CALD1: variants seen among roughly 807,000 people sequenced by gnomAD.
CALD1 encodes the protein caldesmon 1, also known as caldesmon.
A neutral mutation model predicts 99.9 loss-of-function variants in CALD1; 33 were observed. The ratio of observed to expected loss-of-function variants is 0.33; its 90% CI spans 0.25 to 0.44. The LOEUF is 0.44. Among genes scored for constraint, CALD1 ranks in the 20% least tolerant of loss-of-function variants. The pLI is 1.00. For synonymous variants in CALD1, 310 were observed against 325.0 expected (o/e 0.95, Z 0.50); for missense variants, 861 against 962.1 (o/e 0.89, Z 1.39).
chr7:134,895,388 C>T (rs1456860896), intron 3 of CALD1, among the ~76,000 whole-genome samples: 3 of 148,270 alleles, frequency 2.0e-5, no homozygotes, highest in Non-Finnish European at 3.0e-5. Context: ...GCAGATATTA[C>T]AACACATTTA....
At chr7:134,942,394 A>AAATTTTT (rs1806521015) in intron 7 of CALD1, among the ~76,000 whole-genome samples, 1 of 152,272 alleles carries the variant, frequency 6.6e-6, no homozygotes, top group East Asian at 1.9e-4. Context: ...ATTTTTTTGT[A>AAATTTTT]CGTAAATTTA....
At chr7:134,913,698 T>A (rs1306681859) in intron 3 of CALD1, among the ~76,000 whole-genome samples, 1 of 152,204 alleles carries the variant, frequency 6.6e-6, no homozygotes, top group Non-Finnish European at 1.5e-5. Flanking sequence ...TTGTAAATGG[T>A]CAGATAGTAT....
chr7:134,829,383 C>T (rs1799132479), intron 1 of CALD1, among the ~76,000 whole-genome samples: 1 of 152,184 alleles, frequency 6.6e-6, no homozygotes, highest in African/African-American at 2.4e-5. Flanking sequence ...TACTGTAACA[C>T]AAAAATTGGT....
At chr7:134,711,676 A>ATGTGTGTG in the CALD1 span, among the ~76,000 whole-genome samples, 3 of 70,468 alleles carry the variant, frequency 4.3e-5, no homozygotes, top group African/African-American at 1.3e-4. Context: ...ATATATATAT[A>ATGTGTGTG]TATATGTGTG....
chr7:134,770,775 A>G (rs1269652381), intron 1 of CALD1, among the ~76,000 whole-genome samples: 3 of 152,154 alleles, frequency 2.0e-5, no homozygotes, highest in Non-Finnish European at 4.4e-5. Context: ...GAATGCTGTT[A>G]TCATAGCAAA....
intron 1 of CALD1, among the ~76,000 whole-genome samples, chr7:134,792,241 C>T (rs1410364929): frequency 6.6e-6 from 1 of 151,038 alleles, no homozygotes; most frequent in Non-Finnish European, 1.5e-5. Flanking sequence ...TTTGTGTTCA[C>T]AAGGCATTCT....
chr7:134,761,404 T>C (rs1796777701), intron 1 of CALD1, among the ~76,000 whole-genome samples: 1 of 152,130 alleles, frequency 6.6e-6, no homozygotes, highest in South Asian at 2.1e-4. Context: ...TCTACTGAGA[T>C]TCAAGGTCTC....
chr7:134,837,647 A>C (rs552075077), intron 1 of CALD1, among the ~76,000 whole-genome samples: 12 of 152,262 alleles, frequency 7.9e-5, no homozygotes, highest in Admixed American at 5.9e-4. Flanking sequence ...GCACCCGGCC[A>C]ACAACAGACT....
chr7:134,775,597 G>C (rs1379140776), upstream of CALD1, among the ~76,000 whole-genome samples: 1 of 152,092 alleles, frequency 6.6e-6, no homozygotes, highest in Non-Finnish European at 1.5e-5. Flanking sequence ...TGTAGTCCCA[G>C]CTACTCGGGA....
chr7:134,719,056 T>C, the CALD1 span, among the ~76,000 whole-genome samples: 2 of 152,220 alleles, frequency 1.3e-5, no homozygotes, highest in Admixed American at 6.5e-5. Flanking sequence ...TATAAGGACA[T>C]TATTTTCCCC....
intron 3 of CALD1, among the ~76,000 whole-genome samples, chr7:134,912,927 G>A (rs556339911): frequency 6.6e-6 from 1 of 152,204 alleles, no homozygotes; most frequent in African/African-American, 2.4e-5. Flanking sequence ...GCTTCCACCT[G>A]TCAAGCCAAT....
chr7:134,736,752 T>C, the CALD1 span, among the ~76,000 whole-genome samples: 8 of 152,214 alleles, frequency 5.3e-5, no homozygotes, highest in African/African-American at 1.4e-4. Context: ...CTATGCATCT[T>C]TGCTGTAAGA....
chr7:134,914,993 A>G (rs1171867689), intron 3 of CALD1, among the ~76,000 whole-genome samples: 1 of 152,206 alleles, frequency 6.6e-6, no homozygotes, highest in Non-Finnish European at 1.5e-5. Context: ...AATGGAGTAA[A>G]TGTTCAATAA....
At chr7:134,941,279 C>CAA (rs767058783) in intron 7 of CALD1, 42 bp downstream of exon 7, 3 of 1,385,472 alleles carry the variant, frequency 2.2e-6, no homozygotes, top group South Asian at 2.9e-5. Flanking sequence ...TGTTCACATG[C>CAA]AAAGAAAAAA....
intron 3 of CALD1, among the ~76,000 whole-genome samples, chr7:134,921,664 T>A (rs1804631323): frequency 6.6e-6 from 1 of 151,972 alleles, no homozygotes; most frequent in Non-Finnish European, 1.5e-5. Flanking sequence ...ATACAAAAAT[T>A]AATTGGGCGT....
At chr7:134,878,524 G>A (rs1288116344) in intron 3 of CALD1, among the ~76,000 whole-genome samples, 2 of 152,082 alleles carry the variant, frequency 1.3e-5, no homozygotes, top group African/African-American at 4.8e-5. Context: ...AGCCGAGATC[G>A]CACCACTGCA....
chr7:134,804,742 T>C (rs1410475757), intron 1 of CALD1, among the ~76,000 whole-genome samples: 3 of 152,250 alleles, frequency 2.0e-5, no homozygotes, highest in Non-Finnish European at 4.4e-5. Context: ...TGGCTGGGCA[T>C]AGAATTCTAG....
chr7:134,772,688 G>A lies in CALD1; in HGVS notation c.-130+28325G>A, dbSNP rs570343849. 5.9e-5 allele frequency among the ~76,000 whole-genome samples: 9 copies of A among 152,192 alleles called. No homozygotes were observed. In the South Asian group the frequency reaches 1.9e-3, roughly 32 times the overall value. On this transcript the variant is annotated intron_variant, in intron 1 of 13. Coordinates refer to the CALD1 transcript ENST00000417172. ...ATCCAATGATTACTTTTCCTTTCTT[G>A]TACAAATTTTTTTAAATTATAATGA... is the stretch of plus-strand genomic sequence containing the variant.
chr7:134,719,408 A>T, the CALD1 span, among the ~76,000 whole-genome samples: 3 of 152,302 alleles, frequency 2.0e-5, no homozygotes, highest in Admixed American at 1.3e-4. Context: ...GGCTCGCCAG[A>T]GGAACTTGGT....
Sources: allele counts gnomAD v4.1 joint callset (sites outside exome capture counted in the v4.1 genomes callset), GRCh38; gene constraint gnomAD v4.1.1; transcripts MANE v1.5; gene names NCBI Gene and HGNC (gene_info 2026-07-23, HGNC 2026-07-21).